The following EAF1 variants were observed in gnomAD, a reference collection of about 807,000 sequenced individuals.
EAF1 encodes ELL-associated factor 1.
EAF1 carries 19 observed loss-of-function variants against 26.6 expected under a neutral mutation model. The observed-to-expected ratio is 0.71, with a 90% CI of 0.50 to 1.05. EAF1 has a LOEUF of 1.05. EAF1 is among the 50% of genes least tolerant of loss of function. The pLI is 0.00. For missense variants in EAF1, 260 were observed against 335.5 expected, an observed-to-expected ratio of 0.78 and a Z score of 1.76; for synonymous variants, 102 against 120.6, an observed-to-expected ratio of 0.85 and a Z score of 1.01.
In EAF1 at chr3:15,427,759, G is replaced by A; in HGVS notation, c.-21G>A. Reference sequence around the variant, plus strand: ...CTGCACCGGGAGAGCGCCGATCTGGGTGCGAGGCAGGTGCGGGGCCATGAA... The same window carrying A: ...CTGCACCGGGAGAGCGCCGATCTGGATGCGAGGCAGGTGCGGGGCCATGAA... On this transcript the variant is annotated 5_prime_UTR_variant, in exon 1 of 6. It adds an upstream start codon to the 5' untranslated region. Transcript: ENST00000396842. 1 of 1,550,306 alleles carries A rather than the reference G, an allele frequency of 6.5e-7. No homozygotes were observed. Among genetic ancestry groups the A allele is most frequent in the East Asian group, 2.4e-5 (1 of 40,874 alleles).
At chr3:15,436,705 C>A in intron 5 of EAF1, 130 bp downstream of exon 5, 2 of 740,128 alleles carry the variant, frequency 2.7e-6, no homozygotes, top group Non-Finnish European at 4.1e-6. Flanking sequence ...TAGTTTGGAG[C>A]AGAAAGGTGT....
intron 3 of EAF1, among the ~76,000 whole-genome samples, chr3:15,432,810 G>C (rs2061810070): frequency 6.6e-6 from 1 of 150,640 alleles, no homozygotes; most frequent in African/African-American, 2.4e-5. Flanking sequence ...TTTTTAAAGA[G>C]TCGAGGTCTC....
chr3:15,434,980 A>G (rs2061826114), intron 4 of EAF1, among the ~76,000 whole-genome samples: 1 of 152,202 alleles, frequency 6.6e-6, no homozygotes, highest in South Asian at 2.1e-4. Context: ...AGCTACTGTG[A>G]GGCAGGAGGA....
intron 5 of EAF1, among the ~76,000 whole-genome samples, chr3:15,437,831 T>C (rs2061844289): frequency 6.6e-6 from 1 of 152,120 alleles, no homozygotes; most frequent in Non-Finnish European, 1.5e-5. Context: ...CTCAGCACTA[T>C]GGGCAGTTTG....
chr3:15,442,179 T>C lies in EAF1; in HGVS notation c.*3024T>C, dbSNP rs1164893993. 6.6e-6 allele frequency: 1 copy of C among 152,440 alleles called. No individual in the cohort carries two copies. Among genetic ancestry groups the C allele is most frequent in the African/African-American group, 2.4e-5 (1 of 41,344 alleles). The allele number at this position is 152,440 out of a possible 1,614,324, so 9.4% of individuals were successfully genotyped here. A position where few individuals can be genotyped will look rare whatever the true frequency, so the allele number is the denominator to read the frequency against. On this transcript the variant is annotated 3_prime_UTR_variant, in exon 6 of 6. Transcript: ENST00000396842. Reference sequence around the variant, plus strand: ...AAACTTGAAAATTCCAAAATCCTTATTTTCCTATTTGAGAGGCTGGTTCAG... The same window carrying C: ...AAACTTGAAAATTCCAAAATCCTTACTTTCCTATTTGAGAGGCTGGTTCAG...
intron 1 of EAF1, 24 bp from the exon 2 acceptor site, chr3:15,429,889 G>T: frequency 1.3e-6 from 2 of 1,537,808 alleles, no homozygotes; most frequent in Non-Finnish European, 1.8e-6. Context: ...TGGTGGGTAA[G>T]TGCTTTTTTT....
Sources: gnomAD v4.1 joint callset for allele counts (sites outside exome capture counted in the v4.1 genomes callset) on GRCh38, gnomAD v4.1.1 for gene constraint, MANE v1.5 for transcripts, NCBI Gene and HGNC (gene_info 2026-07-23, HGNC 2026-07-21) for gene names.